The following NPR1 variants were observed in gnomAD, a reference collection of about 807,000 sequenced individuals.
The protein encoded by NPR1 is atrial natriuretic peptide receptor 1.
NPR1 carries 57 observed loss-of-function variants against 116.9 expected under a neutral mutation model. That is an observed-to-expected ratio of 0.49 (90% CI 0.39 to 0.61). The LOEUF is 0.61. Ranked by LOEUF, NPR1 falls within the 20% of genes least tolerant of loss-of-function variation. NPR1 has a pLI of 0.00. For missense variants in NPR1, 1,096 were observed against 1,409.8 expected, an observed-to-expected ratio of 0.78 and a Z score of 3.56; for synonymous variants, 555 against 601.6, an observed-to-expected ratio of 0.92 and a Z score of 1.13.
In NPR1 at chr1:153,679,052, A is replaced by G. The variant is rs1248302756; in HGVS notation, c.-57A>G. 2 of 1,382,548 alleles carry G rather than the reference A, an allele frequency of 1.4e-6. No homozygotes were observed. Among genetic ancestry groups the G allele is most frequent in the Non-Finnish European group, 9.3e-7 (1 of 1,077,114 alleles). The allele number at this position is 1,382,548 out of a possible 1,614,324, so 85.6% of individuals were successfully genotyped here. ...TGCCTGGGACCGGCCGCTGAGCCCA[A>G]GGGGACCGAGGAGGCCATGGTAGGA... On this transcript the variant is annotated 5_prime_UTR_variant, in exon 1 of 22. Coordinates refer to ENST00000368680, the MANE Select transcript of NPR1 (RefSeq NM_000906.4). This position sits in a 1 kb window ranked among gnomAD's most constrained non-coding sequence, Gnocchi z 4.2.
chr1:153,684,950 C>A lies in NPR1; in HGVS notation c.1485-14C>A. 1 of 1,613,824 alleles carries A rather than the reference C, an allele frequency of 6.2e-7. No individual in the cohort carries two copies. The highest frequency in any genetic ancestry group is 2.2e-5 in the East Asian group (1 of 44,878). ...GGCTCAGCCACAGGCTCAGATGCAG[C>A]CTTCGTATCCCAGGAAGATGCAGCT... On this transcript the variant is annotated splice_polypyrimidine_tract_variant and intron_variant, in intron 7 of 21. Coordinates refer to ENST00000368680, the MANE Select transcript of NPR1 (RefSeq NM_000906.4).
At position 153,680,556 on chromosome 1, in the gene NPR1, G is replaced by A. The variant is rs1238444225; in HGVS notation, c.777G>A (p.Leu259=). Reference sequence around the variant, plus strand: ...TCAGAACCCTCATGCTCCTGGCCCTGGAAGCTGGCTTGTGTGGGGAGGACT... The same window carrying A: ...TCAGAACCCTCATGCTCCTGGCCCTAGAAGCTGGCTTGTGTGGGGAGGACT... ...DAFRTLMLLA[L]EAGLCGEDYV... The change falls in exon 2 of 22, where the codon CTG becomes CTA. Residue 259 remains leucine, a synonymous_variant. Transcript: ENST00000368680. The A allele has an allele frequency of 3.9e-5, 63 of 1,614,058 alleles. No individual in the cohort carries two copies. The highest frequency in any genetic ancestry group is 5.3e-5 in the Non-Finnish European group (62 of 1,180,050).
intron 13 of NPR1, 40 bp from the exon 14 acceptor site, chr1:153,687,594 G>A (rs1054959407): frequency 1.3e-6 from 2 of 1,545,174 alleles, no homozygotes; most frequent in Middle Eastern, 1.8e-4. Context: ...CCTTAGCTTT[G>A]GGCTCCCTCA....
chr1:153,679,184 C>T lies in NPR1; in HGVS notation c.76C>T (p.Leu26=). Residue 26 remains leucine (L), a synonymous_variant, in exon 1 of 22, where the codon CTG becomes TTG. Coordinates refer to ENST00000368680, the MANE Select transcript of NPR1 (RefSeq NM_000906.4). This position sits in a 1 kb window ranked among gnomAD's most constrained non-coding sequence, Gnocchi z 4.2. The stretch of plus-strand genomic sequence containing the variant: ...CCTGCTGCTGCCGCCGCTGCTGCTG[C>T]TGCTCCGGGGCAGCCACGCGGGCAA... The part of the protein sequence containing the change: ...LLLLLPPLLL[L]LRGSHAGNLT... The T allele has an allele frequency of 6.6e-7, 1 of 1,508,162 alleles. No homozygotes were observed. Among genetic ancestry groups the T allele is most frequent in the Non-Finnish European group, 8.8e-7 (1 of 1,133,982 alleles). The allele number at this position is 1,508,162 out of a possible 1,614,324, so 93.4% of individuals were successfully genotyped here.
Position 153,693,504 on chromosome 1 carries a change from A to G in NPR1, c.*90A>G. The G allele has an allele frequency of 8.5e-7, 1 of 1,176,210 alleles. No homozygotes were observed. Among genetic ancestry groups the G allele is most frequent in the South Asian group, 1.5e-5 (1 of 68,420 alleles). The allele number at this position is 1,176,210 out of a possible 1,614,324, so 72.9% of individuals were successfully genotyped here. On this transcript the variant is annotated 3_prime_UTR_variant, in exon 22 of 22. Transcript: ENST00000368680. ...CCTCAGCCTCACCCACAGCAGCCCC[A>G]TCGCCAAAGGATGGAAGTAATTTGA...
rs1670074014 is a variant in NPR1 at position 153,690,410 on chromosome 1, GGGAGGGCAGGGTGGCT to G, written c.3031+30_3031+45del. ...ACAGTGCCCCCTCCTAGAGGGAATG[GGGAGGGCAGGGTGGCT>G]GAGGGAAATGCCATCCTGGGGCAGC... On this transcript the variant is annotated intron_variant, in intron 20 of 21. Transcript: ENST00000368680. 12 of 1,512,212 alleles carry G rather than the reference GGGAGGGCAGGGTGGCT, an allele frequency of 7.9e-6. 1 individual carries two copies. Among genetic ancestry groups the G allele is most frequent in the Non-Finnish European group, 1.1e-5 (12 of 1,111,302 alleles). 93.7% of individuals were successfully genotyped at this position (1,512,212 alleles called of 1,614,324 possible).
In NPR1 at chr1:153,679,007, T is replaced by C. The variant is rs1669678623; in HGVS notation, c.-102T>C. The C allele has an allele frequency of 7.6e-7, 1 of 1,317,082 alleles. No homozygotes were observed. The highest frequency in any genetic ancestry group is 1.8e-5 in the South Asian group (1 of 55,818). 81.6% of individuals were successfully genotyped at this position (1,317,082 alleles called of 1,614,324 possible). Reference sequence around the variant, plus strand: ...GCGTCCCCGTCCCGCTCCTGCTCCTTCCCATAGGGACGCGCCTGATGCCTG... The same window carrying C: ...GCGTCCCCGTCCCGCTCCTGCTCCTCCCCATAGGGACGCGCCTGATGCCTG... On this transcript the variant is annotated 5_prime_UTR_variant, in exon 1 of 22. Coordinates refer to ENST00000368680, the MANE Select transcript of NPR1 (RefSeq NM_000906.4). This position sits in a 1 kb window ranked among gnomAD's most constrained non-coding sequence, Gnocchi z 4.2.
Position 153,679,345 on chromosome 1 carries a change from C to T in NPR1, c.237C>T (p.Arg79=), listed in dbSNP as rs1669693525. The T allele has an allele frequency of 1.3e-6, 2 of 1,537,370 alleles. No individual in the cohort carries two copies. The part of the protein sequence containing the change: ...RPDLLPGWTV[R]TVLGSSENAL... ...ACTTGCTGCCGGGCTGGACGGTCCG[C>T]ACGGTGCTGGGCAGCAGCGAAAACG... Residue 79 remains arginine, a synonymous_variant, in exon 1 of 22, where the codon CGC becomes CGT. Coordinates refer to ENST00000368680, the MANE Select transcript of NPR1 (RefSeq NM_000906.4). This position sits in a 1 kb window ranked among gnomAD's most constrained non-coding sequence, Gnocchi z 4.2.
In NPR1 at chr1:153,693,508, C is replaced by T; in HGVS notation, c.*94C>T. On this transcript the variant is annotated 3_prime_UTR_variant, in exon 22 of 22. Coordinates refer to ENST00000368680, the MANE Select transcript of NPR1 (RefSeq NM_000906.4). ...AGCCTCACCCACAGCAGCCCCATCG[C>T]CAAAGGATGGAAGTAATTTGAATAG... is the stretch of plus-strand genomic sequence containing the variant. 8.8e-7 allele frequency: 1 copy of T among 1,136,238 alleles called. No homozygotes were observed. The highest frequency in any genetic ancestry group is 1.3e-6 in the Non-Finnish European group (1 of 788,472). 70.4% of individuals were successfully genotyped at this position (1,136,238 alleles called of 1,614,324 possible).
intron 19 of NPR1, 27 bp downstream of exon 19, chr1:153,690,007 C>A: frequency 6.8e-7 from 1 of 1,474,484 alleles, no homozygotes; most frequent in Non-Finnish European, 9.0e-7. Flanking sequence ...TGCAGGCGGG[C>A]ATCCAGAGGC....
intron 20 of NPR1, among the ~76,000 whole-genome samples, chr1:153,691,058 T>C (rs1302910687): frequency 6.6e-6 from 1 of 151,704 alleles, no homozygotes; most frequent in Non-Finnish European, 1.5e-5. Context: ...GCTGGCTGTG[T>C]GTCAGTTTGC....
At position 153,682,567 on chromosome 1, in the gene NPR1, A is replaced by T; in HGVS notation, c.1241A>T (p.Asp414Val). ...ACAGACTTCTCCCTCTGGGATATGG[A>T]TCCCGAGAATGGTGCCTTCAGGGTA... is the stretch of plus-strand genomic sequence containing the variant. ...RETDFSLWDM[D>V]PENGAFRVVL... Residue 414 changes from aspartate to valine, a missense_variant, in exon 5 of 22, where the codon GAT (aspartate) becomes GTT (valine). Asp to Val is a radical substitution (Grantham distance 152, BLOSUM62 -3). Coordinates refer to ENST00000368680, the MANE Select transcript of NPR1 (RefSeq NM_000906.4). 4 of 1,613,964 alleles carry T rather than the reference A, an allele frequency of 2.5e-6. No individual in the cohort carries two copies. The highest frequency in any genetic ancestry group is 3.4e-6 in the Non-Finnish European group (4 of 1,179,858).
chr1:153,688,255 T>C (rs559322888), intron 15 of NPR1, 34 bp downstream of exon 15: 2 of 1,598,332 alleles, frequency 1.3e-6, no homozygotes, highest in South Asian at 1.1e-5. Context: ...CCCCAGGCCC[T>C]TCCTCCACAG....
chr1:153,689,829 C>T lies in NPR1; in HGVS notation c.2781C>T (p.Tyr927=), dbSNP rs767032796. 1.4e-5 allele frequency: 22 copies of T among 1,582,282 alleles called. 1 individual carries two copies. In the South Asian group the frequency reaches 2.2e-4, roughly 16 times the overall value. The change falls in exon 19 of 22, where the codon TAC becomes TAT. Residue 927 remains tyrosine (Y), a synonymous_variant. Transcript: ENST00000368680. The surrounding 1 kb of genome is among the most constrained non-coding windows in gnomAD (Gnocchi z 5.1). ...VYKVETIGDA[Y]MVVSGLPVRN... is the part of the protein sequence containing the mutation. ...AGGTGGAGACAATTGGCGATGCCTA[C>T]ATGGTGGTGTCAGGGCTCCCTGTGC...
Position 153,693,908 on chromosome 1 carries a change from G to A in NPR1, c.*494G>A, listed in dbSNP as rs1328403535. The A allele has an allele frequency of 1.8e-5, 7 of 397,814 alleles. No homozygotes were observed. The highest frequency in any genetic ancestry group is 6.2e-4 in the Middle Eastern group (1 of 1,616). 24.6% of individuals were successfully genotyped at this position (397,814 alleles called of 1,614,324 possible). The stretch of plus-strand genomic sequence containing the variant: ...AGCAGTAGACACAGTGCACAGGGGA[G>A]AAGAGGGGTGGCGCAGAAGGGTTGG... On this transcript the variant is annotated 3_prime_UTR_variant, in exon 22 of 22. Coordinates refer to ENST00000368680, the MANE Select transcript of NPR1 (RefSeq NM_000906.4).
chr1:153,686,789 G>C, intron 11 of NPR1, 39 bp downstream of exon 11: 2 of 1,574,122 alleles, frequency 1.3e-6, no homozygotes, highest in African/African-American at 2.7e-5. Flanking sequence ...CTGGGTTCTA[G>C]CCCTGGCTCT....
In NPR1 at chr1:153,690,358, T is replaced by C. The variant is rs1347968341; in HGVS notation, c.3007T>C (p.Ser1003Pro). The C allele has an allele frequency of 1.3e-6, 2 of 1,558,864 alleles. No homozygotes were observed. Among genetic ancestry groups the C allele is most frequent in the African/African-American group, 2.7e-5 (2 of 73,500 alleles). The change falls in exon 20 of 22, where the codon TCA becomes CCA. Residue 1003 changes from serine (S) to proline (P), a missense_variant. Ser to Pro is a moderately conservative substitution (Grantham distance 74). Transcript: ENST00000368680. The part of the protein sequence containing the change: ...CLFGDTVNTA[S>P]RMESNGEALK... The stretch of plus-strand genomic sequence containing the variant: ...CTTTGGGGATACAGTCAACACAGCC[T>C]CAAGAATGGAGTCTAATGGGGAAGG...
At position 153,683,534 on chromosome 1, in the gene NPR1, G is replaced by A. The variant is rs200129605; in HGVS notation, c.1399+23G>A. On this transcript the variant is annotated intron_variant, in intron 6 of 21. Transcript: ENST00000368680. The stretch of plus-strand genomic sequence containing the variant: ...AAGGTGACTGCCCCTTGCCTTCCAG[G>A]CCTCCATCCCAGAGATGCTGCATCC... 4 of 1,613,488 alleles carry A rather than the reference G, an allele frequency of 2.5e-6. No homozygotes were observed. The South Asian group carries it at 3.3e-5, about 13-fold the overall frequency.
chr1:153,684,141 C>T (rs764105312), intron 7 of NPR1, among the ~76,000 whole-genome samples: 2 of 152,118 alleles, frequency 1.3e-5, no homozygotes, highest in Non-Finnish European at 2.9e-5. Flanking sequence ...TAGGAAGCAA[C>T]TTTCTGAACC....
Sources: gnomAD v4.1 joint callset for allele counts (sites outside exome capture counted in the v4.1 genomes callset) on GRCh38, gnomAD v4.1.1 for gene constraint, Gnocchi (gnomAD v3.1) non-coding constraint, MANE v1.5 for transcripts, NCBI Gene and HGNC (gene_info 2026-07-23, HGNC 2026-07-21) for gene names.